RAP1GAP2: variants seen among roughly 807,000 people sequenced by gnomAD.
RAP1GAP2 encodes rap1 GTPase-activating protein 2.
Under a neutral mutation model 95.0 loss-of-function variants are expected in RAP1GAP2, and 27 were observed. The observed-to-expected ratio is 0.28, with a 90% CI of 0.21 to 0.39. The LOEUF is 0.39. Among genes scored for constraint, RAP1GAP2 ranks in the 10% least tolerant of loss-of-function variants. The pLI, the probability that RAP1GAP2 is intolerant of heterozygous loss-of-function variation, is 1.00. For synonymous variants in RAP1GAP2, 373 were observed against 380.9 expected (o/e 0.98, Z 0.24); for missense variants, 771 against 970.0 (o/e 0.79, Z 2.72).
intron 8 of RAP1GAP2, among the ~76,000 whole-genome samples, chr17:2,971,431 C>T (rs2044862652): frequency 6.6e-6 from 1 of 152,054 alleles, no homozygotes; most frequent in African/African-American, 2.4e-5. Context: ...TAAATGGTTT[C>T]CTATTAAATA....
intron 2 of RAP1GAP2, among the ~76,000 whole-genome samples, chr17:2,815,724 C>T (rs1966300): frequency 4.6e-5 from 7 of 152,222 alleles, no homozygotes; most frequent in Admixed American, 2.6e-4. Flanking sequence ...TCAGGTGATC[C>T]GCCCACCTTG....
At position 2,797,061 on chromosome 17, in the gene RAP1GAP2, G is replaced by A. The variant is rs1235465065; in HGVS notation, c.44+490G>A. 6.6e-6 allele frequency among the ~76,000 whole-genome samples: 1 copy of A among 152,120 alleles called. No individual in the cohort carries two copies. The highest frequency in any genetic ancestry group is 6.6e-5 in the Admixed American group (1 of 15,266). On this transcript the variant is annotated intron_variant, in intron 1 of 24. Coordinates refer to ENST00000254695, the MANE Select transcript of RAP1GAP2 (RefSeq NM_015085.5). The surrounding 1 kb of genome is among the most constrained non-coding windows in gnomAD (Gnocchi z 5.6). ...GCCTTCTGTGTCTGTGTGTGCTTGT[G>A]TCTGCGTGTTTGTGTGTGTGATGCT...
At chr17:2,818,911 A>G (rs973110874) in intron 2 of RAP1GAP2, among the ~76,000 whole-genome samples, 6 of 152,138 alleles carry the variant, frequency 3.9e-5, no homozygotes, top group African/African-American at 1.4e-4. Flanking sequence ...GAGACTGAGT[A>G]AGTTTATACA....
At chr17:2,796,153 G>A (rs546205828), upstream of RAP1GAP2, among the ~76,000 whole-genome samples, 18 of 152,286 alleles carry the variant, frequency 1.2e-4, no homozygotes, top group East Asian at 1.9e-4. This position sits in a 1 kb window ranked among gnomAD's most constrained non-coding sequence, Gnocchi z 4.7. Context: ...CCTCCTAGGC[G>A]TGGCTGTGGG....
chr17:2,976,177 G>T (rs1182240614), intron 8 of RAP1GAP2, among the ~76,000 whole-genome samples: 4 of 152,174 alleles, frequency 2.6e-5, no homozygotes, highest in Non-Finnish European at 5.9e-5. Context: ...GGTGGATTGA[G>T]CAGGCAAAAA....
At position 3,008,754 on chromosome 17, in the gene RAP1GAP2, G is replaced by A. The variant is rs546028636; in HGVS notation, c.1494+609G>A. On this transcript the variant is annotated intron_variant, in intron 17 of 24. Transcript: ENST00000254695. This position sits in a 1 kb window ranked among gnomAD's most constrained non-coding sequence, Gnocchi z 4.2. ...GAGCTCGGACGGCCCCCGAGCTGGCGTGTGGTAGAGGTTTTTCATCTTATG... is the reference window on the plus strand; with the variant it reads ...GAGCTCGGACGGCCCCCGAGCTGGCATGTGGTAGAGGTTTTTCATCTTATG... Among the ~76,000 whole-genome samples the A allele has an allele frequency of 1.1e-4, 17 of 152,210 alleles. No individual in the cohort carries two copies. Among genetic ancestry groups the A allele is most frequent in the Admixed American group, 1.0e-3 (16 of 15,288 alleles).
At chr17:2,993,405 C>G (rs949316259) in intron 12 of RAP1GAP2, among the ~76,000 whole-genome samples, 1 of 150,084 alleles carries the variant, frequency 6.7e-6, no homozygotes, top group Non-Finnish European at 1.5e-5. Flanking sequence ...AACCACGTCT[C>G]TACTAAAAAT....
At chr17:2,848,066 A>G (rs1208699745) in intron 2 of RAP1GAP2, among the ~76,000 whole-genome samples, 4 of 152,296 alleles carry the variant, frequency 2.6e-5, no homozygotes, top group African/African-American at 7.2e-5. Context: ...CCCACTCTCC[A>G]TAATCCCTGA....
chr17:2,771,499 GTT>G (rs397976670), intron 2 of RAP1GAP2, among the ~76,000 whole-genome samples: 1 of 124,766 alleles, frequency 8.0e-6, no homozygotes, highest in African/African-American at 3.1e-5. Flanking sequence ...TTTTTTTTTT[GTT>G]TTTTTTTTTT....
rs560102838 is a variant in RAP1GAP2, at chr17:3,007,287, A to T, written c.1360-724A>T. On this transcript the variant is annotated intron_variant, in intron 16 of 24. Transcript: ENST00000254695. ...CAGGAGAGTGAGGGGCTCGATGTGT[A>T]TGCCAGAGGGATTGCTCTGACAGTG... Among the ~76,000 whole-genome samples, 3 of 152,238 alleles carry T rather than the reference A, an allele frequency of 2.0e-5. No individual in the cohort carries two copies. The South Asian group carries it at 6.2e-4, about 32-fold the overall frequency.
intron 2 of RAP1GAP2, among the ~76,000 whole-genome samples, chr17:2,821,255 T>C (rs569114517): frequency 2.0e-5 from 3 of 152,162 alleles, no homozygotes; most frequent in Admixed American, 2.0e-4. Context: ...TTTTCCTGAT[T>C]ATAAAAATAG....
intron 3 of RAP1GAP2, among the ~76,000 whole-genome samples, chr17:2,928,854 A>T (rs954833206): frequency 2.0e-5 from 3 of 152,088 alleles, no homozygotes; most frequent in Admixed American, 2.0e-4. Flanking sequence ...CCTCAGCCTC[A>T]TGCAGACTAT....
At chr17:3,019,756 C>G (rs73300907) in intron 18 of RAP1GAP2, among the ~76,000 whole-genome samples, 2,448 of 152,288 alleles carry the variant, frequency 0.016, 72 homozygotes, top group African/African-American at 0.056. Flanking sequence ...AGACTCAGGT[C>G]GGGTCTCATT....
intron 2 of RAP1GAP2, among the ~76,000 whole-genome samples, chr17:2,877,158 G>C (rs1026670144): frequency 7.9e-5 from 12 of 152,088 alleles, no homozygotes; most frequent in Non-Finnish European, 1.5e-4. Flanking sequence ...CAAAGTGCTG[G>C]AATTACAGGC....
At chr17:2,789,917 A>G (rs1051791190) in intron 1 of RAP1GAP2, among the ~76,000 whole-genome samples, 2 of 152,080 alleles carry the variant, frequency 1.3e-5, no homozygotes, top group Non-Finnish European at 2.9e-5. Flanking sequence ...GCACTTGTGC[A>G]ATGGGAAATT....
intron 2 of RAP1GAP2, among the ~76,000 whole-genome samples, chr17:2,861,678 C>T (rs1309115547): frequency 6.6e-6 from 1 of 151,634 alleles, no homozygotes; most frequent in Admixed American, 6.6e-5. Flanking sequence ...CTCGCTCTGT[C>T]GCCCAGGCTG....
intron 3 of RAP1GAP2, among the ~76,000 whole-genome samples, chr17:2,923,772 TA>T (rs1325237852): frequency 1.3e-5 from 2 of 151,096 alleles, no homozygotes; most frequent in African/African-American, 4.9e-5. Context: ...ACAGAGAAAA[TA>T]AAAAAATGAA....
intron 3 of RAP1GAP2, among the ~76,000 whole-genome samples, chr17:2,956,943 A>C (rs1026100191): frequency 6.6e-6 from 1 of 152,112 alleles, no homozygotes; most frequent in African/African-American, 2.4e-5. Flanking sequence ...CCTGGCCAAC[A>C]TAGTGAAACC....
intron 2 of RAP1GAP2, among the ~76,000 whole-genome samples, chr17:2,828,256 G>T (rs548422508): frequency 6.6e-6 from 1 of 152,058 alleles, no homozygotes; most frequent in Non-Finnish European, 1.5e-5. Flanking sequence ...CAGGAGAATC[G>T]CTTGAACCTG....
Sources: gnomAD v4.1 joint callset for allele counts (sites outside exome capture counted in the v4.1 genomes callset) on GRCh38, gnomAD v4.1.1 for gene constraint, Gnocchi (gnomAD v3.1) non-coding constraint, MANE v1.5 for transcripts, NCBI Gene and HGNC (gene_info 2026-07-23, HGNC 2026-07-21) for gene names.